The following TADA1 variants were observed in gnomAD, a reference collection of about 807,000 sequenced individuals.
TADA1 encodes transcriptional adapter 1.
A neutral mutation model predicts 39.3 loss-of-function variants in TADA1; 23 were observed. The ratio of observed to expected loss-of-function variants is 0.58; its 90% CI spans 0.42 to 0.83. The LOEUF is 0.83. Among genes scored for constraint, TADA1 ranks in the 40% least tolerant of loss-of-function variants. The pLI is 0.00. For missense variants in TADA1, 352 were observed against 408.1 expected (o/e 0.86, Z 1.18); for synonymous variants, 137 against 151.8 (o/e 0.90, Z 0.72).
intron 5 of TADA1, among the ~76,000 whole-genome samples, chr1:166,861,985 G>C (rs915398094): frequency 6.6e-6 from 1 of 152,102 alleles, no homozygotes; most frequent in Admixed American, 6.5e-5. Context: ...CTTGAGCCCA[G>C]GATTTCCAGG....
At chr1:166,870,274 G>C (rs1658628680) in intron 1 of TADA1, among the ~76,000 whole-genome samples, 1 of 152,066 alleles carries the variant, frequency 6.6e-6, no homozygotes, top group African/African-American at 2.4e-5. Context: ...CAGTATGATT[G>C]GTGTCCTTAT....
At chr1:166,865,876 T>C (rs1658521346) in intron 3 of TADA1, among the ~76,000 whole-genome samples, 1 of 151,702 alleles carries the variant, frequency 6.6e-6, no homozygotes, top group Non-Finnish European at 1.5e-5. Context: ...CCCATAATCA[T>C]AGTAAAATGT....
chr1:166,873,347 G>C (rs780605950), intron 1 of TADA1, among the ~76,000 whole-genome samples: 2 of 152,138 alleles, frequency 1.3e-5, no homozygotes, highest in African/African-American at 2.4e-5. Context: ...ATTTGAACAT[G>C]GCATTCTACT....
At chr1:166,876,093 G>C in intron 1 of TADA1, 67 bp downstream of exon 1, 2 of 1,475,400 alleles carry the variant, frequency 1.4e-6, no homozygotes. Flanking sequence ...TCCGGGGCGG[G>C]CTGGCAGCCC....
Position 166,856,681 on chromosome 1 carries a change from T to C in TADA1, c.*886A>G, listed in dbSNP as rs1658286019. 6.6e-6 allele frequency: 1 copy of C among 152,612 alleles called. No individual in the cohort carries two copies. The highest frequency in any genetic ancestry group is 2.1e-4 in the South Asian group (1 of 4,830). 9.5% of individuals were successfully genotyped at this position (152,612 alleles called of 1,614,324 possible). ...TATCCCTTAAGTAAAAAGCAACATA[T>C]CTCTTAAGTAGGTTTGTTATCAGTA... On this transcript the variant is annotated 3_prime_UTR_variant, in exon 8 of 8. Transcript: ENST00000367874.
At chr1:166,858,746 G>A (rs1337772360) in intron 6 of TADA1, among the ~76,000 whole-genome samples, 1 of 152,220 alleles carries the variant, frequency 6.6e-6, no homozygotes, top group Non-Finnish European at 1.5e-5. Flanking sequence ...TGAGAAGTCA[G>A]ACATAGTTTT....
rs1658291207 is a variant in TADA1, at chr1:166,856,905, ATAAAGTTAAT to A, written c.*652_*661del. On this transcript the variant is annotated 3_prime_UTR_variant, in exon 8 of 8. Transcript: ENST00000367874. ...AACAAAACTTGAGTCATGGGAAGAC[ATAAAGTTAAT>A]TAATTGCATTACAAGAGTTTTGTTT... The A allele has an allele frequency of 1.3e-5, 2 of 152,322 alleles. No homozygotes were observed. Among genetic ancestry groups the A allele is most frequent in the African/African-American group, 2.4e-5 (1 of 41,466 alleles). 9.4% of individuals were successfully genotyped at this position (152,322 alleles called of 1,614,324 possible).
chr1:166,862,180 A>G (rs765754710), intron 5 of TADA1, 23 bp downstream of exon 5: 51 of 1,610,830 alleles, frequency 3.2e-5, no homozygotes, highest in Non-Finnish European at 1.7e-6. Flanking sequence ...CTGTAAGATT[A>G]TTTCTGCCAA....
chr1:166,862,687 A>C, intron 4 of TADA1: 1 of 465,580 alleles, frequency 2.1e-6, no homozygotes, highest in Non-Finnish European at 3.9e-6. Flanking sequence ...AATGTATGGC[A>C]CTGTGTTAAA....
chr1:166,870,833 C>T (rs1450519746), intron 1 of TADA1, among the ~76,000 whole-genome samples: 1 of 152,072 alleles, frequency 6.6e-6, no homozygotes, highest in Non-Finnish European at 1.5e-5. Flanking sequence ...TGTCTCAAAA[C>T]AAATAAAAGG....
intron 1 of TADA1, 128 bp downstream of exon 1, chr1:166,876,032 C>G: frequency 1.1e-6 from 1 of 902,830 alleles, no homozygotes; most frequent in Non-Finnish European, 1.6e-6. Flanking sequence ...ACCCCGAAGC[C>G]CCGCCGCCGC....
chr1:166,875,820 A>C (rs955444269), intron 1 of TADA1, among the ~76,000 whole-genome samples: 16 of 152,228 alleles, frequency 1.1e-4, no homozygotes, highest in Admixed American at 2.0e-4. Context: ...ACTCCGCCCA[A>C]GTCAGCCTCC....
Position 166,869,500 on chromosome 1 carries a change from G to A in TADA1, c.177C>T (p.His59=). Reference sequence around the variant, plus strand: ...TGAGAATGGCCAGGAGGAAATCATTGTGAGAATGGACTGAAAAAGGAAAGA... The same window carrying A: ...TGAGAATGGCCAGGAGGAAATCATTATGAGAATGGACTGAAAAAGGAAAGA... ...RLLTQDNVHS[H]NDFLLAILTR... is the part of the protein sequence containing the mutation. Residue 59 remains histidine (H), a synonymous_variant, in exon 3 of 8, where the codon CAC becomes CAT. Transcript: ENST00000367874. 6.2e-7 allele frequency: 1 copy of A among 1,613,746 alleles called. No individual in the cohort carries two copies. Among genetic ancestry groups the A allele is most frequent in the Non-Finnish European group, 8.5e-7 (1 of 1,179,726 alleles).
Position 166,862,379 on chromosome 1 carries a change from C to A in TADA1, c.364G>T (p.Ala122Ser), listed in dbSNP as rs372945430. Reference protein sequence around the residue: ...RFQPQNPLSGAQQFVAKDPQD... With the variant: ...RFQPQNPLSGSQQFVAKDPQD... ...GGATCCTTTGCCACAAATTGCTGGGCTCCTGAGAGAGGATTTTGAGGCTGG... is the reference window on the plus strand; with the variant it reads ...GGATCCTTTGCCACAAATTGCTGGGATCCTGAGAGAGGATTTTGAGGCTGG... The change falls in exon 5 of 8, where the codon GCC becomes TCC. Residue 122 changes from alanine (A) to serine (S), a missense_variant. By Grantham distance (99) the Ala-to-Ser change is moderately conservative. Transcript: ENST00000367874. The A allele has an allele frequency of 1.2e-6, 2 of 1,614,060 alleles. No homozygotes were observed. Among genetic ancestry groups the A allele is most frequent in the African/African-American group, 1.3e-5 (1 of 74,930 alleles).
At chr1:166,864,139 G>A (rs934326355) in intron 3 of TADA1, among the ~76,000 whole-genome samples, 1 of 152,058 alleles carries the variant, frequency 6.6e-6, no homozygotes. Context: ...TTTTTAGGAA[G>A]ACAAATTTTT....
intron 3 of TADA1, among the ~76,000 whole-genome samples, chr1:166,868,138 A>G (rs1392750211): frequency 6.6e-6 from 1 of 152,214 alleles, no homozygotes; most frequent in Non-Finnish European, 1.5e-5. Context: ...TTTTTTTTAA[A>G]AAGTCCAGTA....
At chr1:166,876,064 C>G in intron 1 of TADA1, 96 bp downstream of exon 1, 1 of 1,274,394 alleles carries the variant, frequency 7.8e-7, no homozygotes. Flanking sequence ...TGCACAGGCC[C>G]CCGGGCGACG....
chr1:166,861,196 T>C (rs932312588), intron 5 of TADA1, among the ~76,000 whole-genome samples: 3 of 152,100 alleles, frequency 2.0e-5, no homozygotes, highest in Non-Finnish European at 4.4e-5. Context: ...CCTGTGAAAA[T>C]AGAGTGACAG....
Position 166,857,327 on chromosome 1 carries a change from A to G in TADA1, c.*240T>C. ...ACCTAAATATCTCCATTCCAGGCAC[A>G]GGATTTCATTAGTGCCTGCTCCCAC... On this transcript the variant is annotated 3_prime_UTR_variant, in exon 8 of 8. Coordinates refer to ENST00000367874, the MANE Select transcript of TADA1 (RefSeq NM_053053.4). 4.3e-6 allele frequency: 2 copies of G among 468,582 alleles called. No individual in the cohort carries two copies. Among genetic ancestry groups the G allele is most frequent in the South Asian group, 6.7e-5 (2 of 29,700 alleles). 29.0% of individuals were successfully genotyped at this position (468,582 alleles called of 1,614,324 possible).
Sources: allele counts gnomAD v4.1 joint callset (sites outside exome capture counted in the v4.1 genomes callset), GRCh38; gene constraint gnomAD v4.1.1; transcripts MANE v1.5; gene names NCBI Gene and HGNC (gene_info 2026-07-23, HGNC 2026-07-21).